Variants in UNC80 observed in about 807,000 individuals in gnomAD.
The protein encoded by UNC80 is protein unc-80 homolog.
UNC80 carries 164 observed loss-of-function variants against 384.6 expected under a neutral mutation model. The observed-to-expected ratio is 0.43, with a 90% CI of 0.38 to 0.49. The LOEUF (loss-of-function observed/expected upper bound fraction) is 0.49. Ranked by LOEUF, UNC80 falls within the 20% of genes least tolerant of loss-of-function variation. UNC80 has a pLI of 0.00. For synonymous variants in UNC80, 1,486 were observed against 1,527.8 expected (o/e 0.97, Z 0.64); for missense variants, 3,330 against 4,143.0 (o/e 0.80, Z 5.39).
At chr2:209,995,278 C>T in intron 64 of UNC80, 51 bp from the exon 65 acceptor site, 1 of 1,536,934 alleles carries the variant, frequency 6.5e-7, no homozygotes, top group Non-Finnish European at 8.8e-7. Flanking sequence ...TGATGTTCTT[C>T]TCTGGTACCC....
In UNC80 at chr2:209,789,522, G is replaced by A. The variant is rs752103141; in HGVS notation, c.725-10G>A. The A allele has an allele frequency of 1.9e-5, 31 of 1,604,906 alleles. 1 individual carries two copies. The highest frequency in any genetic ancestry group is 1.8e-4 in the East Asian group (8 of 44,772). On this transcript the variant is annotated splice_polypyrimidine_tract_variant and intron_variant, in intron 5 of 64. Coordinates refer to ENST00000673920, the MANE Select transcript of UNC80 (RefSeq NM_001371986.1). ...CTTACAAAACGATGGAACTTCTTCC[G>A]TCTTTTCAGCTAAGAGAAGTTCTCC...
At chr2:209,864,105 T>C (rs1331181478) in intron 22 of UNC80, among the ~76,000 whole-genome samples, 1 of 151,878 alleles carries the variant, frequency 6.6e-6, no homozygotes, top group Non-Finnish European at 1.5e-5. Context: ...AGGTTCCTCC[T>C]CTGTAGAGCT....
rs1486130770 is a variant in UNC80 at position 209,996,409 on chromosome 2, C to A, written c.*814C>A. 6.6e-6 allele frequency: 1 copy of A among 152,166 alleles called. No individual in the cohort carries two copies. The highest frequency in any genetic ancestry group is 2.4e-5 in the African/African-American group (1 of 41,448). The allele number at this position is 152,166 out of a possible 1,614,324, so 9.4% of individuals were successfully genotyped here. A position where few individuals can be genotyped will look rare whatever the true frequency, so the allele number is the denominator to read the frequency against. On this transcript the variant is annotated 3_prime_UTR_variant, in exon 65 of 65. Coordinates refer to ENST00000673920, the MANE Select transcript of UNC80 (RefSeq NM_001371986.1). ...AAAGAGATGGTATTCCTATTCCTAG[C>A]CCTGACTACATCAATACCAAGATTA...
intron 5 of UNC80, among the ~76,000 whole-genome samples, chr2:209,788,676 C>T (rs12622305): frequency 1.3e-5 from 2 of 149,466 alleles, no homozygotes; most frequent in Admixed American, 1.3e-4. Flanking sequence ...AAAGAAATCA[C>T]ATATTTTTGT....
In UNC80 at chr2:209,936,882, A is replaced by C. The variant is rs2124973217; in HGVS notation, c.6312A>C (p.Ser2104=). The C allele has an allele frequency of 6.4e-7, 1 of 1,551,056 alleles. No homozygotes were observed. The highest frequency in any genetic ancestry group is 8.7e-7 in the Non-Finnish European group (1 of 1,146,492). The change falls in exon 41 of 65, where the codon TCA becomes TCC. Residue 2104 remains serine (S), a synonymous_variant. Coordinates refer to ENST00000673920, the MANE Select transcript of UNC80 (RefSeq NM_001371986.1). ...TTTTTAATATCCCAGAATCCCAGTC[A>C]ACACATTATTTTCTTATGGATAAAC... The part of the protein sequence containing the change: ...LEFFNIPESQ[S]THYFLMDKRW...
chr2:209,994,656 T>C (rs991322924), intron 64 of UNC80, among the ~76,000 whole-genome samples: 4 of 152,162 alleles, frequency 2.6e-5, no homozygotes, highest in Admixed American at 6.5e-5. Context: ...AAAATGCTTA[T>C]TGGAGCATTT....
chr2:209,993,413 A>G lies in UNC80; in HGVS notation c.9495A>G (p.Lys3165=), dbSNP rs945078186. ...LSTTRRSIQP[K]TKPSADQKRS... is the part of the protein sequence containing the mutation. The stretch of plus-strand genomic sequence containing the variant: ...CCACTCGCAGGAGCATTCAACCTAA[A>G]ACGAAGCCGTCTGGTGAGGCCTCCT... Residue 3165 remains lysine, a synonymous_variant, in exon 63 of 65, where the codon AAA becomes AAG. Coordinates refer to ENST00000673920, the MANE Select transcript of UNC80 (RefSeq NM_001371986.1). 7.7e-6 allele frequency: 12 copies of G among 1,551,422 alleles called. No individual in the cohort carries two copies. Among genetic ancestry groups the G allele is most frequent in the Middle Eastern group, 1.7e-4 (1 of 6,014 alleles).
At chr2:209,803,594 T>G (rs2078695741) in intron 7 of UNC80, among the ~76,000 whole-genome samples, 1 of 152,208 alleles carries the variant, frequency 6.6e-6, no homozygotes, top group African/African-American at 2.4e-5. Context: ...GGCCTAGATA[T>G]TCTAGTCAAA....
At chr2:209,972,000 G>A (rs910592634) in intron 54 of UNC80, among the ~76,000 whole-genome samples, 5 of 152,106 alleles carry the variant, frequency 3.3e-5, no homozygotes, top group Admixed American at 1.3e-4. Flanking sequence ...ATCTTTTTAG[G>A]TGTATAGCTC....
intron 31 of UNC80, among the ~76,000 whole-genome samples, chr2:209,914,477 A>G (rs895693484): frequency 6.6e-6 from 1 of 152,168 alleles, no homozygotes; most frequent in Non-Finnish European, 1.5e-5. Flanking sequence ...ATTTCAAAAT[A>G]CACGTGATAA....
intron 59 of UNC80, among the ~76,000 whole-genome samples, chr2:209,979,973 A>C (rs1057334186): frequency 1.3e-5 from 2 of 152,346 alleles, no homozygotes; most frequent in Middle Eastern, 3.4e-3. Flanking sequence ...AAGAGAAAAA[A>C]TAAATGCTTT....
intron 26 of UNC80, among the ~76,000 whole-genome samples, chr2:209,889,480 G>C (rs906079745): frequency 2.0e-5 from 3 of 152,044 alleles, no homozygotes; most frequent in Admixed American, 6.6e-5. Context: ...CTGTCCCTCT[G>C]TCCCTAGGTC....
rs1228895614 is a variant in UNC80 at position 209,969,665 on chromosome 2, A to T, written c.8007-103A>T. The T allele has an allele frequency of 2.8e-6, 4 of 1,446,082 alleles. No homozygotes were observed. The East Asian group carries it at 7.5e-5, about 27-fold the overall frequency. 89.6% of individuals were successfully genotyped at this position (1,446,082 alleles called of 1,614,324 possible). ...AATATGGGTAAACTTCATCCCAGAG[A>T]CACATCCTGTCTTAGATGGCATCAG... On this transcript the variant is annotated intron_variant, in intron 52 of 64. Coordinates refer to ENST00000673920, the MANE Select transcript of UNC80 (RefSeq NM_001371986.1).
chr2:209,859,279 A>G (rs1431214266), intron 22 of UNC80, among the ~76,000 whole-genome samples: 1 of 152,150 alleles, frequency 6.6e-6, no homozygotes, highest in Non-Finnish European at 1.5e-5. Flanking sequence ...GAGTGAGAAC[A>G]TGCAGTGTTT....
Position 209,939,438 on chromosome 2 carries a change from C to T in UNC80, c.6466-34C>T, listed in dbSNP as rs142205095. ...CTATAAATCTGGAGTTTCTAATACT[C>T]CTTTTTGTCTGCTCCTGCTTTTGTT... On this transcript the variant is annotated intron_variant, in intron 42 of 64. Coordinates refer to ENST00000673920, the MANE Select transcript of UNC80 (RefSeq NM_001371986.1). 1,950 of 1,526,338 alleles carry T rather than the reference C, an allele frequency of 1.3e-3. 7 individuals are homozygous for T. The highest frequency in any genetic ancestry group is 1.2e-3 in the Non-Finnish European group (1,309 of 1,132,166). 94.5% of individuals were successfully genotyped at this position (1,526,338 alleles called of 1,614,324 possible). A position where few individuals can be genotyped will look rare whatever the true frequency, so the allele number is the denominator to read the frequency against.
Position 209,954,236 on chromosome 2 carries a change from C to A in UNC80, c.7423C>A (p.Gln2475Lys). Residue 2475 changes from glutamine (Q) to lysine (K), a missense_variant, in exon 48 of 65, where the codon CAG (glutamine) becomes AAG (lysine). Gln to Lys is a moderately conservative substitution (Grantham distance 53, BLOSUM62 1). Coordinates refer to ENST00000673920, the MANE Select transcript of UNC80 (RefSeq NM_001371986.1). ...CACTGCTGCTCTTGCGACGTCCCTA[C>A]AGGCCCTTTTGTACAGTGTAGAGGT... ...AATAALATSL[Q>K]ALLYSVEVLT... 1 of 1,550,916 alleles carries A rather than the reference C, an allele frequency of 6.4e-7. No individual in the cohort carries two copies. Among genetic ancestry groups the A allele is most frequent in the Non-Finnish European group, 8.7e-7 (1 of 1,146,872 alleles).
chr2:209,945,394 T>A (rs2091866862), intron 46 of UNC80, among the ~76,000 whole-genome samples: 1 of 152,148 alleles, frequency 6.6e-6, no homozygotes, highest in South Asian at 2.1e-4. Context: ...GAGTAAGGAA[T>A]TCTCTGCCAT....
chr2:209,898,089 T>A (rs1399333032), intron 28 of UNC80, among the ~76,000 whole-genome samples: 1 of 152,142 alleles, frequency 6.6e-6, no homozygotes, highest in African/African-American at 2.4e-5. Context: ...GTTTTTGATA[T>A]TGGTGGATTG....
At position 209,941,294 on chromosome 2, in the gene UNC80, G is replaced by A; in HGVS notation, c.6720G>A (p.Leu2240=). The A allele has an allele frequency of 6.5e-7, 1 of 1,547,290 alleles. No homozygotes were observed. The highest frequency in any genetic ancestry group is 8.7e-7 in the Non-Finnish European group (1 of 1,143,360). The change falls in exon 44 of 65, where the codon CTG becomes CTA. Residue 2240 remains leucine (L), a synonymous_variant. Transcript: ENST00000673920. ...LWIQLLEEMF[L]GMPSEFPWGD... is the part of the protein sequence containing the mutation. The stretch of plus-strand genomic sequence containing the variant: ...TCCAGCTGCTGGAGGAAATGTTCCT[G>A]GGCATGCCGAGCGAGTTTCCATGGG...
Sources: allele counts gnomAD v4.1 joint callset (sites outside exome capture counted in the v4.1 genomes callset), GRCh38; gene constraint gnomAD v4.1.1; transcripts MANE v1.5; gene names NCBI Gene and HGNC (gene_info 2026-07-23, HGNC 2026-07-21).